Variants in PFDN1 observed in about 807,000 individuals in gnomAD.
PFDN1 encodes the protein prefoldin 1.
PFDN1 carries 6 observed loss-of-function variants against 17.3 expected under a neutral mutation model. That is an observed-to-expected ratio of 0.35 (90% confidence interval 0.19 to 0.69). The LOEUF is 0.69. PFDN1 is among the 30% of genes least tolerant of loss of function. The pLI is 0.65. For missense variants in PFDN1, 113 were observed against 146.2 expected (o/e 0.77, Z 1.17); for synonymous variants, 58 against 50.1 (o/e 1.16, Z -0.67).
intron 3 of PFDN1, among the ~76,000 whole-genome samples, chr5:140,249,459 C>T (rs1764880810): frequency 6.6e-6 from 1 of 152,176 alleles, no homozygotes; most frequent in African/African-American, 2.4e-5. Flanking sequence ...AGGGCAGTTA[C>T]CCAGGCCTCT....
chr5:140,285,548 T>C (rs1477464833), intron 2 of PFDN1, among the ~76,000 whole-genome samples: 2 of 152,110 alleles, frequency 1.3e-5, no homozygotes, highest in African/African-American at 2.4e-5. Flanking sequence ...TAAAACTTTA[T>C]GGCACATCCA....
intron 3 of PFDN1, among the ~76,000 whole-genome samples, chr5:140,278,869 T>C (rs1319455989): frequency 6.6e-6 from 1 of 152,000 alleles, no homozygotes; most frequent in African/African-American, 2.4e-5. Context: ...AACCATAAAG[T>C]TGTAGCAGTG....
chr5:140,302,367 T>C (rs1765761446), intron 1 of PFDN1, among the ~76,000 whole-genome samples: 1 of 152,256 alleles, frequency 6.6e-6, no homozygotes, highest in Non-Finnish European at 1.5e-5. Context: ...AACACATTTA[T>C]AAGCAACTGA....
intron 3 of PFDN1, among the ~76,000 whole-genome samples, chr5:140,272,022 T>TTTG (rs35319655): frequency 0.47 from 70,185 of 149,254 alleles, 16,740 homozygotes; most frequent in South Asian, 0.71. Flanking sequence ...ATAAAATATA[T>TTTG]TTGTTGTTGT....
chr5:140,270,164 T>C (rs1366262548), intron 3 of PFDN1, among the ~76,000 whole-genome samples: 1 of 152,188 alleles, frequency 6.6e-6, no homozygotes, highest in African/African-American at 2.4e-5. Context: ...CAAGGAAGTA[T>C]GTAATGACAT....
At chr5:140,289,679 T>C (rs997871051) in intron 2 of PFDN1, among the ~76,000 whole-genome samples, 2 of 152,210 alleles carry the variant, frequency 1.3e-5, no homozygotes, top group Non-Finnish European at 2.9e-5. Context: ...GCACCATGCA[T>C]GTTCAGCATC....
chr5:140,282,208 A>G (rs888178316), intron 2 of PFDN1, among the ~76,000 whole-genome samples: 50 of 151,402 alleles, frequency 3.3e-4, no homozygotes, highest in African/African-American at 8.7e-4. Flanking sequence ...AAAAAAAAAA[A>G]AAAAGAAAAG....
At chr5:140,269,472 C>T (rs1765175811) in intron 3 of PFDN1, among the ~76,000 whole-genome samples, 1 of 152,128 alleles carries the variant, frequency 6.6e-6, no homozygotes, top group Non-Finnish European at 1.5e-5. Context: ...GCATGCGCCA[C>T]CACGCCCGGC....
chr5:140,250,705 T>G (rs1437369748), intron 3 of PFDN1, among the ~76,000 whole-genome samples: 1 of 152,220 alleles, frequency 6.6e-6, no homozygotes, highest in African/African-American at 2.4e-5. Flanking sequence ...GTACACACAC[T>G]TTTTAGTTTT....
intron 2 of PFDN1, among the ~76,000 whole-genome samples, chr5:140,297,914 G>A (rs756129134): frequency 3.9e-5 from 6 of 152,160 alleles, no homozygotes; most frequent in African/African-American, 1.4e-4. Flanking sequence ...AAAGGCTAGC[G>A]CAGTGATGTG....
At chr5:140,273,244 C>CAAA (rs1204221243) in intron 3 of PFDN1, among the ~76,000 whole-genome samples, 1 of 67,260 alleles carries the variant, frequency 1.5e-5, no homozygotes, top group Admixed American at 1.7e-4. Flanking sequence ...GACTCCATCT[C>CAAA]AAAAAAAAAA....
intron 3 of PFDN1, among the ~76,000 whole-genome samples, chr5:140,247,326 A>AT (rs1935763621): frequency 6.6e-6 from 1 of 151,120 alleles, no homozygotes; most frequent in Non-Finnish European, 1.5e-5. Flanking sequence ...AGAAACTTCA[A>AT]TTTTTTATTT....
At chr5:140,271,849 T>A in intron 3 of PFDN1, among the ~76,000 whole-genome samples, 1 of 151,476 alleles carries the variant, frequency 6.6e-6, no homozygotes. Flanking sequence ...GAGAAAGAAG[T>A]GAGGCAAAAA....
chr5:140,260,847 A>G (rs901267385), intron 3 of PFDN1, among the ~76,000 whole-genome samples: 2 of 152,060 alleles, frequency 1.3e-5, no homozygotes, highest in Non-Finnish European at 2.9e-5. Context: ...TATTCTCAAA[A>G]TGCTGCACCA....
At chr5:140,279,806 A>C (rs1765362296) in intron 3 of PFDN1, among the ~76,000 whole-genome samples, 1 of 151,684 alleles carries the variant, frequency 6.6e-6, no homozygotes, top group Non-Finnish European at 1.5e-5. Flanking sequence ...GACCAGCCTG[A>C]CCAACAAGGA....
chr5:140,253,271 T>C (rs957003468), intron 3 of PFDN1, among the ~76,000 whole-genome samples: 2 of 152,178 alleles, frequency 1.3e-5, no homozygotes, highest in African/African-American at 4.8e-5. Flanking sequence ...GGTGTGCTTT[T>C]ACCTGCCGAC....
chr5:140,280,014 C>CAAAAAAAAAAAAAAAAAAAAAAAAAAAA (rs5871731), intron 3 of PFDN1, among the ~76,000 whole-genome samples: 1 of 99,112 alleles, frequency 1.0e-5, no homozygotes. Flanking sequence ...AAAAAAAAAA[C>CAAAAAAAAAAAAAAAAAAAAAAAAAAAA]AAAAAAAGAA....
At chr5:140,251,625 C>T (rs1764913870) in intron 3 of PFDN1, among the ~76,000 whole-genome samples, 1 of 152,204 alleles carries the variant, frequency 6.6e-6, no homozygotes, top group Non-Finnish European at 1.5e-5. Flanking sequence ...CCTCAGAATG[C>T]TTTCACAAGG....
At chr5:140,287,076 T>C (rs890587458) in intron 2 of PFDN1, among the ~76,000 whole-genome samples, 1 of 152,220 alleles carries the variant, frequency 6.6e-6, no homozygotes, top group African/African-American at 2.4e-5. Context: ...TGTGAATATA[T>C]GTATACAAAT....
Sources: allele counts gnomAD v4.1 joint callset (sites outside exome capture counted in the v4.1 genomes callset), GRCh38; gene constraint gnomAD v4.1.1; transcripts MANE v1.5; gene names NCBI Gene and HGNC (gene_info 2026-07-23, HGNC 2026-07-21).